The following TMX2 variants were observed in gnomAD, a reference collection of about 807,000 sequenced individuals.
TMX2 encodes thioredoxin-related transmembrane protein 2.
A neutral mutation model predicts 33.4 loss-of-function variants in TMX2; 20 were observed. The observed-to-expected ratio is 0.60, with a 90% CI of 0.42 to 0.87. The LOEUF is 0.87. TMX2 is among the 40% of genes least tolerant of loss of function. The probability of loss-of-function intolerance (pLI) is 0.00; values close to 1 mark genes in which losing one functional copy is unlikely to be tolerated. For missense variants in TMX2, 340 were observed against 370.7 expected (o/e 0.92, Z 0.68); for synonymous variants, 166 against 140.7 (o/e 1.18, Z -1.27).
Position 57,740,390 on chromosome 11 carries a change from A to G in TMX2, c.*145A>G. On this transcript the variant is annotated 3_prime_UTR_variant, in exon 8 of 8. Coordinates refer to ENST00000278422, the MANE Select transcript of TMX2 (RefSeq NM_015959.4). Reference sequence around the variant, plus strand: ...ATGCAGCTTCTGATTTTAAAGAGGCATCTAGGGAATTGTCAGGCACCCTAC... The same window carrying G: ...ATGCAGCTTCTGATTTTAAAGAGGCGTCTAGGGAATTGTCAGGCACCCTAC... 3.8e-6 allele frequency: 4 copies of G among 1,044,606 alleles called. No homozygotes were observed. The South Asian group carries it at 7.3e-5, about 19-fold the overall frequency. The allele number at this position is 1,044,606 out of a possible 1,614,324, so 64.7% of individuals were successfully genotyped here.
intron 1 of TMX2, among the ~76,000 whole-genome samples, chr11:57,727,173 G>C (rs1948060824): frequency 6.6e-6 from 1 of 151,670 alleles, no homozygotes; most frequent in Non-Finnish European, 1.5e-5. Context: ...TTTTTTTTTA[G>C]ACTAAGCCTG....
chr11:57,736,981 G>A (rs771566756), intron 1 of TMX2, among the ~76,000 whole-genome samples: 1 of 151,974 alleles, frequency 6.6e-6, no homozygotes. Flanking sequence ...TTCTACCAGC[G>A]TCACATTGAG....
intron 1 of TMX2, among the ~76,000 whole-genome samples, 178 bp from the exon 2 acceptor site, chr11:57,737,430 T>C (rs767154532): frequency 1.0e-3 from 156 of 152,372 alleles, no homozygotes; most frequent in Non-Finnish European, 1.8e-3. Flanking sequence ...GAGTAGAACC[T>C]GAATCCAGGT....
chr11:57,721,317 C>G (rs1431696338), intron 1 of TMX2, among the ~76,000 whole-genome samples: 1 of 149,246 alleles, frequency 6.7e-6, no homozygotes, highest in East Asian at 2.0e-4. Context: ...ATCAATCAAT[C>G]AATGTTTTAT....
Position 57,739,278 on chromosome 11 carries a change from C to T in TMX2, c.744+18C>T, listed in dbSNP as rs756324962. ...TCTCTGAGGTACCTGAAAGGAAGGG[C>T]AGGTGCATGAAGGGTGCAGAACAGT... is the stretch of plus-strand genomic sequence containing the variant. On this transcript the variant is annotated intron_variant, in intron 7 of 7. Coordinates refer to ENST00000278422, the MANE Select transcript of TMX2 (RefSeq NM_015959.4). 6.2e-7 allele frequency: 1 copy of T among 1,613,946 alleles called. No individual in the cohort carries two copies. Among genetic ancestry groups the T allele is most frequent in the South Asian group, 1.1e-5 (1 of 91,082 alleles).
At chr11:57,723,946 A>G (rs1371083356) in intron 1 of TMX2, among the ~76,000 whole-genome samples, 15 of 151,674 alleles carry the variant, frequency 9.9e-5, no homozygotes, top group African/African-American at 7.3e-5. Flanking sequence ...TCTGAGCCCT[A>G]TGGTTACCAA....
At chr11:57,714,671 G>A (rs1946862517) in intron 1 of TMX2, among the ~76,000 whole-genome samples, 1 of 152,048 alleles carries the variant, frequency 6.6e-6, no homozygotes, top group South Asian at 2.1e-4. Context: ...ATGGCTCACT[G>A]TAGTCTTAAC....
At position 57,740,828 on chromosome 11, in the gene TMX2, G is replaced by C. The variant is rs868106380; in HGVS notation, c.*583G>C. 19 of 152,418 alleles carry C rather than the reference G, an allele frequency of 1.2e-4. No individual in the cohort carries two copies. The highest frequency in any genetic ancestry group is 4.6e-4 in the African/African-American group (19 of 41,466). The allele number at this position is 152,418 out of a possible 1,614,324, so 9.4% of individuals were successfully genotyped here. ...AACAACCCCCTATTTTGTGGGGATT[G>C]AGAAGGGGTGAATAGAGGCTTGAGA... On this transcript the variant is annotated 3_prime_UTR_variant, in exon 8 of 8. Coordinates refer to ENST00000278422, the MANE Select transcript of TMX2 (RefSeq NM_015959.4).
intron 1 of TMX2, among the ~76,000 whole-genome samples, chr11:57,716,833 C>T (rs1177540829): frequency 9.3e-4 from 120 of 129,170 alleles, no homozygotes; most frequent in Non-Finnish European, 1.1e-3. Flanking sequence ...GCTGGCCGGG[C>T]GGGGGGCTGA....
At chr11:57,731,172 C>T (rs1357908541) in intron 1 of TMX2, among the ~76,000 whole-genome samples, 2 of 119,284 alleles carry the variant, frequency 1.7e-5, no homozygotes, top group South Asian at 2.8e-4. Context: ...GTTTCACTCT[C>T]GCTCAGGCTG....
At chr11:57,725,214 C>T (rs970490905) in intron 1 of TMX2, among the ~76,000 whole-genome samples, 9 of 152,072 alleles carry the variant, frequency 5.9e-5, no homozygotes, top group Non-Finnish European at 1.2e-4. Context: ...AAACTAAGCC[C>T]TGACTTTTTA....
chr11:57,720,134 CAAAAA>C (rs59914635), intron 1 of TMX2, among the ~76,000 whole-genome samples: 38,130 of 128,168 alleles, frequency 0.3, 6,074 homozygotes, highest in East Asian at 0.79. Flanking sequence ...ACTAAAAATA[CAAAAA>C]AAAAAAAAAA....
chr11:57,712,595 G>A lies in TMX2; in HGVS notation c.-24G>A, dbSNP rs369800402. 4 of 1,583,838 alleles carry A rather than the reference G, an allele frequency of 2.5e-6. No homozygotes were observed. Among genetic ancestry groups the A allele is most frequent in the Non-Finnish European group, 3.4e-6 (4 of 1,161,726 alleles). On this transcript the variant is annotated 5_prime_UTR_variant, in exon 1 of 8. Transcript: ENST00000278422. The stretch of plus-strand genomic sequence containing the variant: ...GGGGCGAGACCTACGACGCCGGCGA[G>A]CAGTGGCCGTTACGGCCGAAAAGAT...
chr11:57,735,443 T>G (rs949758814), intron 1 of TMX2, among the ~76,000 whole-genome samples: 8 of 152,136 alleles, frequency 5.3e-5, no homozygotes, highest in African/African-American at 1.7e-4. Context: ...ACTTCTAATC[T>G]CAGGTGATCC....
chr11:57,718,077 C>G, intron 1 of TMX2: 1 of 1,270,744 alleles, frequency 7.9e-7, no homozygotes, highest in Non-Finnish European at 1.1e-6. Flanking sequence ...GATCTTCTTG[C>G]TGGTCTTGCC....
chr11:57,737,705 C>A (rs375644772), intron 2 of TMX2, 37 bp downstream of exon 2: 11 of 1,598,780 alleles, frequency 6.9e-6, no homozygotes, highest in Non-Finnish European at 9.4e-6. Flanking sequence ...AAGGTTAGAT[C>A]TAATGCCCTT....
intron 1 of TMX2, among the ~76,000 whole-genome samples, chr11:57,721,587 A>G (rs1450769955): frequency 6.6e-6 from 1 of 152,112 alleles, no homozygotes; most frequent in Non-Finnish European, 1.5e-5. Context: ...AAGTGCTGGG[A>G]TTACAGGTAT....
chr11:57,733,776 G>A (rs928367783), intron 1 of TMX2, among the ~76,000 whole-genome samples: 24 of 152,108 alleles, frequency 1.6e-4, no homozygotes, highest in Admixed American at 1.5e-3. Flanking sequence ...GAACAACCAA[G>A]GGCTCTGCAT....
At chr11:57,726,440 AAGTC>A (rs1488640567) in intron 1 of TMX2, among the ~76,000 whole-genome samples, 2 of 151,694 alleles carry the variant, frequency 1.3e-5, no homozygotes, top group Non-Finnish European at 2.9e-5. Context: ...AAAAAAAAAC[AAGTC>A]AGTCTTGTAA....
Sources: allele counts gnomAD v4.1 joint callset (sites outside exome capture counted in the v4.1 genomes callset), GRCh38; gene constraint gnomAD v4.1.1; transcripts MANE v1.5; gene names NCBI Gene and HGNC (gene_info 2026-07-23, HGNC 2026-07-21).